POU2AF2: variants seen among roughly 807,000 people sequenced by gnomAD.
POU2AF2 encodes the protein POU class 2 homeobox associating factor 2.
chr11:111,247,189 C>CAGAGAGAGAG, the POU2AF2 span, among the ~76,000 whole-genome samples: 1,137 of 34,322 alleles, frequency 0.033, 4 homozygotes, highest in African/African-American at 0.081. Context: ...CATACACACA[C>CAGAGAGAGAG]ACAGAGAGAG....
At chr11:111,257,361 CTTT>C in the POU2AF2 span, among the ~76,000 whole-genome samples, 5 of 141,646 alleles carry the variant, frequency 3.5e-5, no homozygotes, top group Admixed American at 7.1e-5. Context: ...TTTATGTTAT[CTTT>C]TTTTTTTTTT....
At chr11:111,254,706 T>C in the POU2AF2 span, among the ~76,000 whole-genome samples, 3 of 152,220 alleles carry the variant, frequency 2.0e-5, no homozygotes, top group Non-Finnish European at 4.4e-5. Context: ...ACAATCCAAT[T>C]TGACTCACAA....
At chr11:111,257,576 A>C in the POU2AF2 span, among the ~76,000 whole-genome samples, 23 of 151,928 alleles carry the variant, frequency 1.5e-4, no homozygotes, top group African/African-American at 5.5e-4. Flanking sequence ...GGGTTCCACT[A>C]TGTTGGCCAG....
At chr11:111,276,780 G>A in the POU2AF2 span, among the ~76,000 whole-genome samples, 1 of 149,120 alleles carries the variant, frequency 6.7e-6, no homozygotes. Flanking sequence ...AAGTTAAAAT[G>A]GTGAATCCAG....
chr11:111,285,432 G>C, the POU2AF2 span, among the ~76,000 whole-genome samples: 139 of 152,310 alleles, frequency 9.1e-4, 1 homozygote, highest in African/African-American at 3.2e-3. Context: ...TCTGGGAAAA[G>C]GAATCTCAAT....
the POU2AF2 span, among the ~76,000 whole-genome samples, chr11:111,247,189 C>CAGAGAGAGAGAGAGAG: frequency 0.037 from 1,258 of 34,230 alleles, 9 homozygotes; most frequent in South Asian, 0.082. Context: ...CATACACACA[C>CAGAGAGAGAGAGAGAG]ACAGAGAGAG....
chr11:111,245,876 C>G, the POU2AF2 span: 6 of 398,702 alleles, frequency 1.5e-5, no homozygotes, highest in Admixed American at 4.4e-5. Flanking sequence ...AAGTCAACAT[C>G]AATTATTATA....
the POU2AF2 span, among the ~76,000 whole-genome samples, chr11:111,246,628 A>G: frequency 6.6e-6 from 1 of 152,236 alleles, no homozygotes; most frequent in East Asian, 1.9e-4. Flanking sequence ...AGATAGAAAG[A>G]GCTCTAAGAG....
At chr11:111,280,094 G>A in the POU2AF2 span, among the ~76,000 whole-genome samples, 4 of 134,046 alleles carry the variant, frequency 3.0e-5, no homozygotes, top group Admixed American at 3.3e-4. Flanking sequence ...TTTGGAGGGG[G>A]CACATAATGC....
At chr11:111,257,346 C>A in the POU2AF2 span, among the ~76,000 whole-genome samples, 2 of 151,708 alleles carry the variant, frequency 1.3e-5, no homozygotes, top group African/African-American at 2.4e-5. Context: ...CCTTTAATTG[C>A]ATATTTTATG....
the POU2AF2 span, among the ~76,000 whole-genome samples, chr11:111,269,871 T>C: frequency 6.6e-6 from 1 of 152,160 alleles, no homozygotes; most frequent in Non-Finnish European, 1.5e-5. Flanking sequence ...TATCTGAAAA[T>C]GGGAATTCTG....
chr11:111,280,368 C>T, the POU2AF2 span, among the ~76,000 whole-genome samples: 1 of 152,078 alleles, frequency 6.6e-6, no homozygotes, highest in Non-Finnish European at 1.5e-5. Context: ...AGTAGGCGCC[C>T]CTTAGCCATG....
the POU2AF2 span, chr11:111,286,121 G>A: frequency 6.4e-7 from 1 of 1,555,516 alleles, no homozygotes; most frequent in African/African-American, 1.4e-5. Context: ...TGTTTTAGGT[G>A]TGTCAGCCCA....
chr11:111,257,108 A>C, the POU2AF2 span, among the ~76,000 whole-genome samples: 1 of 152,224 alleles, frequency 6.6e-6, no homozygotes, highest in African/African-American at 2.4e-5. Context: ...TAATCACATG[A>C]ATGTCAGGCA....
the POU2AF2 span, among the ~76,000 whole-genome samples, chr11:111,262,218 T>G: frequency 1.3e-5 from 2 of 152,208 alleles, no homozygotes; most frequent in Admixed American, 6.5e-5. Flanking sequence ...CGGATAGAAG[T>G]ATGACAATAG....
the POU2AF2 span, among the ~76,000 whole-genome samples, chr11:111,266,877 CTA>C: frequency 6.6e-6 from 1 of 152,204 alleles, no homozygotes; most frequent in Non-Finnish European, 1.5e-5. Context: ...TTCACCCACC[CTA>C]TTGCCCTCTT....
the POU2AF2 span, among the ~76,000 whole-genome samples, chr11:111,252,651 T>C: frequency 3.9e-5 from 6 of 152,094 alleles, no homozygotes; most frequent in South Asian, 1.2e-3. Flanking sequence ...CCCTTGACCT[T>C]AATTTCTTTC....
the POU2AF2 span, among the ~76,000 whole-genome samples, chr11:111,254,392 T>C: frequency 6.6e-6 from 1 of 152,244 alleles, no homozygotes; most frequent in African/African-American, 2.4e-5. Flanking sequence ...TAATACATTG[T>C]CTTGGAACCT....
the POU2AF2 span, among the ~76,000 whole-genome samples, chr11:111,250,711 T>G: frequency 8.5e-5 from 13 of 152,206 alleles, no homozygotes; most frequent in South Asian, 2.7e-3. Context: ...AGGAGTATTT[T>G]CTGGGGAGGA....
Sources: allele counts gnomAD v4.1 joint callset (sites outside exome capture counted in the v4.1 genomes callset), GRCh38; gene constraint gnomAD v4.1.1; transcripts MANE v1.5; gene names NCBI Gene and HGNC (gene_info 2026-07-23, HGNC 2026-07-21).